Variants in ASB14 observed in about 807,000 individuals in gnomAD.
The protein encoded by ASB14 is ankyrin repeat and SOCS box containing 14.
A neutral mutation model predicts 55.6 loss-of-function variants in ASB14; 63 were observed. The ratio of observed to expected loss-of-function variants is 1.13; its 90% CI spans 0.92 to 1.40. ASB14 has a LOEUF of 1.40. Ranked by LOEUF, ASB14 falls within the 40% of genes most tolerant of loss-of-function variation. The pLI is 0.00. For synonymous variants in ASB14, 256 were observed against 259.9 expected (o/e 0.98, Z 0.15); for missense variants, 724 against 710.4 (o/e 1.02, Z -0.22).
intron 2 of ASB14, among the ~76,000 whole-genome samples, chr3:57,290,862 ATATT>A (rs1027984723): frequency 6.6e-6 from 1 of 152,234 alleles, no homozygotes; most frequent in Non-Finnish European, 1.5e-5. Context: ...AAAACTTTAA[ATATT>A]TAAAGATTAT....
intron 6 of ASB14, 169 bp downstream of exon 6, chr3:57,283,025 C>G: frequency 1.8e-6 from 1 of 545,228 alleles, no homozygotes; most frequent in East Asian, 1.5e-4. Context: ...ATAAAAAATT[C>G]AGTCTTTATG....
At position 57,276,517 on chromosome 3, in the gene ASB14, C is replaced by G. The variant is rs775934937; in HGVS notation, c.*22+11G>C. On this transcript the variant is annotated intron_variant, in intron 10 of 10. Transcript: ENST00000487349. ...AGTGAAATTTTAAGGAATACAGCTG[C>G]AAAATTATACCTTTTCCATTAGAAT... 3.8e-6 allele frequency: 6 copies of G among 1,559,394 alleles called. No individual in the cohort carries two copies. In the Admixed American group the frequency reaches 1.1e-4, roughly 29 times the overall value.
chr3:57,275,039 G>C (rs1031247527), intron 10 of ASB14, among the ~76,000 whole-genome samples: 2 of 152,200 alleles, frequency 1.3e-5, no homozygotes, highest in African/African-American at 4.8e-5. Context: ...CACAAGAACA[G>C]CAAACTCCTG....
chr3:57,287,585 C>A (rs2061090120), intron 5 of ASB14, among the ~76,000 whole-genome samples: 2 of 152,208 alleles, frequency 1.3e-5, no homozygotes, highest in Admixed American at 6.5e-5. Context: ...TCAACCAACT[C>A]TTCTGTTTCA....
At chr3:57,273,122 A>T (rs991627702) in intron 10 of ASB14, 1 of 152,670 alleles carries the variant, frequency 6.6e-6, no homozygotes, top group Non-Finnish European at 1.5e-5. Flanking sequence ...GGCTTCACTC[A>T]TGAAATTTAC....
At chr3:57,284,094 ATGTG>A (rs147304310) in intron 5 of ASB14, among the ~76,000 whole-genome samples, 45 of 136,488 alleles carry the variant, frequency 3.3e-4, no homozygotes, top group South Asian at 1.2e-3. Flanking sequence ...AACACTGTGT[ATGTG>A]TGTGTGTGTG....
intron 9 of ASB14, 95 bp from the exon 10 acceptor site, chr3:57,276,823 T>C: frequency 8.3e-7 from 1 of 1,209,834 alleles, no homozygotes; most frequent in Non-Finnish European, 1.2e-6. Context: ...GCATTTCATT[T>C]GCTGTTACTA....
chr3:57,271,293 T>A (rs939061786), intron 10 of ASB14: 42 of 152,624 alleles, frequency 2.8e-4, no homozygotes, highest in African/African-American at 9.2e-4. Flanking sequence ...ATTCCTTCTA[T>A]CCATGTGCCA....
intron 1 of ASB14, 73 bp from the exon 2 acceptor site, chr3:57,292,177 T>C (rs1251151948): frequency 9.8e-7 from 1 of 1,016,648 alleles, no homozygotes. Context: ...TATACAAAAT[T>C]TAGGAAACAA....
rs1451380788 is a variant in ASB14, at chr3:57,278,832, G to A, written c.976C>T (p.His326Tyr). Residue 326 changes from histidine (H) to tyrosine (Y), a missense_variant, in exon 8 of 11, where the codon CAT (histidine) becomes TAT (tyrosine). By Grantham distance (83) the His-to-Tyr change is moderately conservative (BLOSUM62 2). Coordinates refer to ENST00000487349, the MANE Select transcript of ASB14 (RefSeq NM_001142733.3). ...SPVHCAAAGA[H>Y]PQCLELLIQA... ...ATGAGGAGTTCCAGGCACTGAGGAT[G>A]TGCTCCTGCTGCTGCACAGTGAACT... 6.2e-7 allele frequency: 1 copy of A among 1,613,478 alleles called. No individual in the cohort carries two copies. Among genetic ancestry groups the A allele is most frequent in the East Asian group, 2.2e-5 (1 of 44,846 alleles).
intron 9 of ASB14, 70 bp downstream of exon 9, chr3:57,277,697 T>C: frequency 7.2e-7 from 1 of 1,397,748 alleles, no homozygotes; most frequent in South Asian, 1.4e-5. Flanking sequence ...GGTGTTCTAA[T>C]TCTAAAACAA....
chr3:57,282,153 T>TAAA (rs752748034), intron 6 of ASB14, among the ~76,000 whole-genome samples: 1 of 152,172 alleles, frequency 6.6e-6, no homozygotes, highest in Non-Finnish European at 1.5e-5. Context: ...ACATCTTACT[T>TAAA]AAAATGTCTT....
chr3:57,274,522 A>T lies in ASB14; in HGVS notation c.*22+2006T>A, dbSNP rs138996249. Reference sequence around the variant, plus strand: ...CATGGTGAAACCCCATCTCATCTCTACTAAAAATACAAAAATTAGCTGGGT... The same window carrying T: ...CATGGTGAAACCCCATCTCATCTCTTCTAAAAATACAAAAATTAGCTGGGT... On this transcript the variant is annotated intron_variant, in intron 10 of 10. Transcript: ENST00000487349. Among the ~76,000 whole-genome samples, 40 of 152,120 alleles carry T rather than the reference A, an allele frequency of 2.6e-4. No homozygotes were observed. The East Asian group carries it at 7.6e-3, about 29-fold the overall frequency.
intron 10 of ASB14, among the ~76,000 whole-genome samples, chr3:57,276,166 T>C (rs1421138115): frequency 1.3e-5 from 2 of 152,008 alleles, no homozygotes; most frequent in African/African-American, 4.8e-5. Context: ...TACACTTAAT[T>C]AAAACTGGTG....
intron 8 of ASB14, 54 bp from the exon 9 acceptor site, chr3:57,277,974 A>G (rs1189483157): frequency 2.0e-6 from 3 of 1,494,822 alleles, no homozygotes; most frequent in East Asian, 4.6e-5. Context: ...CAAAGTATCT[A>G]TGGTTTAGCA....
chr3:57,272,603 A>C (rs1465339892), intron 10 of ASB14: 1 of 151,944 alleles, frequency 6.6e-6, no homozygotes, highest in Non-Finnish European at 1.5e-5. Flanking sequence ...AAAATGAAAA[A>C]AAAAGTGTTT....
At chr3:57,291,535 CCTA>C (rs1012107855) in intron 2 of ASB14, among the ~76,000 whole-genome samples, 5 of 152,166 alleles carry the variant, frequency 3.3e-5, no homozygotes, top group African/African-American at 7.2e-5. Flanking sequence ...CCCCACCTAC[CCTA>C]CTAAGGTTGA....
Position 57,288,169 on chromosome 3 carries a change from T to A in ASB14, c.296A>T (p.Glu99Val), listed in dbSNP as rs190221916. 5.9e-6 allele frequency: 9 copies of A among 1,537,106 alleles called. No individual in the cohort carries two copies. In the Admixed American group the frequency reaches 1.6e-4, roughly 27 times the overall value. The change falls in exon 4 of 11, where the codon GAA becomes GTA. Residue 99 changes from glutamate to valine, a missense_variant. Physicochemically the swap from Glu to Val is moderately radical, Grantham distance 121 (BLOSUM62 -2). Transcript: ENST00000487349. ...AGGGAATTTACCGCTTAGGGTTATTTCCAAAATTTTCCTATTTAATTGCAC... is the reference window on the plus strand; with the variant it reads ...AGGGAATTTACCGCTTAGGGTTATTACCAAAATTTTCCTATTTAATTGCAC... ...AAVQLNRKIL[E>V]ITLSASDPSL...
At chr3:57,276,839 C>T (rs755465326) in intron 9 of ASB14, 111 bp from the exon 10 acceptor site, 3 of 975,152 alleles carry the variant, frequency 3.1e-6, no homozygotes, top group Middle Eastern at 2.2e-4. Context: ...TACTAAATGG[C>T]AAAGTCAATA....
Sources: gnomAD v4.1 joint callset for allele counts (sites outside exome capture counted in the v4.1 genomes callset) on GRCh38, gnomAD v4.1.1 for gene constraint, MANE v1.5 for transcripts, NCBI Gene and HGNC (gene_info 2026-07-23, HGNC 2026-07-21) for gene names.